TMEM117: variants seen among roughly 807,000 people sequenced by gnomAD.
TMEM117 encodes the protein transmembrane protein 117.
Under a neutral mutation model 52.4 loss-of-function variants are expected in TMEM117, and 27 were observed. The observed-to-expected ratio is 0.51, with a 90% CI of 0.38 to 0.71. TMEM117 has a LOEUF of 0.71. Among genes scored for constraint, TMEM117 ranks in the 30% least tolerant of loss-of-function variants. TMEM117 has a pLI of 0.00. For synonymous variants in TMEM117, 215 were observed against 206.3 expected, an observed-to-expected ratio of 1.04 and a Z score of -0.36; for missense variants, 556 against 630.5, an observed-to-expected ratio of 0.88 and a Z score of 1.26.
At chr12:44,292,513 G>A (rs1474840014) in intron 5 of TMEM117, among the ~76,000 whole-genome samples, 1 of 151,752 alleles carries the variant, frequency 6.6e-6, no homozygotes, top group Non-Finnish European at 1.5e-5. Flanking sequence ...AGTTTAGTTT[G>A]TTCTTCTTTT....
chr12:44,154,351 A>C (rs1376097353), intron 4 of TMEM117, among the ~76,000 whole-genome samples: 1 of 152,116 alleles, frequency 6.6e-6, no homozygotes, highest in Non-Finnish European at 1.5e-5. Flanking sequence ...CCGTGTTAAG[A>C]ATTCCAAATT....
chr12:44,176,171 A>T (rs1949113692), intron 4 of TMEM117, among the ~76,000 whole-genome samples: 1 of 152,220 alleles, frequency 6.6e-6, no homozygotes, highest in Non-Finnish European at 1.5e-5. Context: ...AACACCATCT[A>T]CATATGAAAG....
intron 1 of TMEM117, among the ~76,000 whole-genome samples, chr12:43,842,258 G>A (rs1013908485): frequency 3.3e-5 from 5 of 152,078 alleles, no homozygotes; most frequent in African/African-American, 9.7e-5. Context: ...GCTATAGCAG[G>A]TGATGAGCCT....
chr12:44,239,511 C>T (rs1413339610), intron 5 of TMEM117, among the ~76,000 whole-genome samples: 3 of 152,126 alleles, frequency 2.0e-5, no homozygotes, highest in African/African-American at 7.2e-5. Context: ...ATGCCTTTCT[C>T]TTCTTAAACC....
intron 3 of TMEM117, among the ~76,000 whole-genome samples, chr12:44,013,704 A>G (rs1041430762): frequency 1.3e-5 from 2 of 152,138 alleles, no homozygotes; most frequent in African/African-American, 4.8e-5. Context: ...CCGAGCCTCC[A>G]TCAGTTTATC....
rs1592352092 is a variant in TMEM117, at chr12:43,907,592, C to T, written c.278-36618C>T. 2.0e-5 allele frequency among the ~76,000 whole-genome samples: 3 copies of T among 147,146 alleles called. No homozygotes were observed. The South Asian group carries it at 6.6e-4, about 33-fold the overall frequency. On this transcript the variant is annotated intron_variant, in intron 2 of 7. Transcript: ENST00000266534. ...AAACCAAAGGCAAAGAAGTTGAAAA[C>T]TTTGAAAAAAATTTAGAAGAATGTA...
chr12:44,246,816 C>T (rs887233434), intron 5 of TMEM117, among the ~76,000 whole-genome samples: 3 of 152,114 alleles, frequency 2.0e-5, no homozygotes, highest in African/African-American at 7.2e-5. Flanking sequence ...CTGAGAAGTT[C>T]GAACACATCA....
chr12:44,069,535 A>G (rs1461445144), intron 3 of TMEM117, among the ~76,000 whole-genome samples: 2 of 152,198 alleles, frequency 1.3e-5, no homozygotes, highest in African/African-American at 4.8e-5. Context: ...GGAATGGACC[A>G]CGTCTGGGAA....
chr12:44,077,797 C>T (rs1021794198), intron 3 of TMEM117, among the ~76,000 whole-genome samples: 4 of 151,982 alleles, frequency 2.6e-5, no homozygotes, highest in African/African-American at 9.7e-5. Context: ...TCAAACCAAA[C>T]AGGATTCCAA....
chr12:44,020,002 A>G (rs772107186), intron 3 of TMEM117, among the ~76,000 whole-genome samples: 12 of 152,168 alleles, frequency 7.9e-5, no homozygotes, highest in African/African-American at 1.2e-4. Flanking sequence ...TCTTCCTCCT[A>G]CTACCTCTGT....
At chr12:43,972,580 T>G (rs1246750006) in intron 3 of TMEM117, among the ~76,000 whole-genome samples, 1 of 152,176 alleles carries the variant, frequency 6.6e-6, no homozygotes, top group Admixed American at 6.5e-5. Flanking sequence ...TACAGAGTGC[T>G]GATTGGTCCA....
At chr12:44,117,290 T>G (rs1948160724) in intron 3 of TMEM117, among the ~76,000 whole-genome samples, 1 of 152,214 alleles carries the variant, frequency 6.6e-6, no homozygotes, top group Admixed American at 6.5e-5. Context: ...ATCTTTTAAA[T>G]GTCAATTCTG....
At chr12:44,164,387 G>T (rs540301788) in intron 4 of TMEM117, among the ~76,000 whole-genome samples, 9 of 152,112 alleles carry the variant, frequency 5.9e-5, no homozygotes, top group African/African-American at 2.2e-4. Flanking sequence ...AGTCCCCAAA[G>T]TTCATTTTAT....
At chr12:43,963,975 A>T (rs980187082) in intron 3 of TMEM117, among the ~76,000 whole-genome samples, 3 of 152,188 alleles carry the variant, frequency 2.0e-5, no homozygotes, top group African/African-American at 7.2e-5. Flanking sequence ...ACTTAAAACT[A>T]ATATGTATCA....
chr12:44,186,917 G>A (rs924063291), intron 4 of TMEM117, among the ~76,000 whole-genome samples: 44 of 152,192 alleles, frequency 2.9e-4, no homozygotes, highest in African/African-American at 9.9e-4. Flanking sequence ...GAGTTTACAC[G>A]GTAGTGATTC....
intron 4 of TMEM117, among the ~76,000 whole-genome samples, chr12:44,172,909 G>C (rs916822373): frequency 2.6e-5 from 4 of 152,072 alleles, no homozygotes; most frequent in African/African-American, 9.7e-5. Flanking sequence ...ATTTTTAGTA[G>C]AGATGGGGTT....
intron 7 of TMEM117, among the ~76,000 whole-genome samples, chr12:44,377,095 A>G (rs1951952551): frequency 6.6e-6 from 1 of 152,154 alleles, no homozygotes; most frequent in African/African-American, 2.4e-5. Flanking sequence ...AGTCAGGGAG[A>G]GCAAGGAAAT....
In TMEM117 at chr12:44,143,595, T is replaced by G; in HGVS notation, c.481T>G (p.Trp161Gly). The change falls in exon 4 of 8, where the codon TGG becomes GGG. Residue 161 changes from tryptophan to glycine, a missense_variant. Trp to Gly is a radical substitution (Grantham distance 184, BLOSUM62 -2). This residue lies in a region of TMEM117 where 328 missense variants were observed against 371.4 expected (regional missense o/e 0.88). Coordinates refer to ENST00000266534, the MANE Select transcript of TMEM117 (RefSeq NM_032256.3). Reference protein sequence around the residue: ...SFMKLAAVGTWMGDFVTAWMV... With the variant: ...SFMKLAAVGTGMGDFVTAWMV... ...CATGAAATTAGCTGCAGTAGGGACC[T>G]GGATGGGGGACTTTGTCACAGCTTG... The G allele has an allele frequency of 1.2e-6, 2 of 1,613,916 alleles. No homozygotes were observed. Among genetic ancestry groups the G allele is most frequent in the Non-Finnish European group, 1.7e-6 (2 of 1,179,908 alleles).
At chr12:44,312,728 C>T (rs982610706) in intron 6 of TMEM117, among the ~76,000 whole-genome samples, 6 of 152,142 alleles carry the variant, frequency 3.9e-5, no homozygotes, top group East Asian at 1.9e-4. Flanking sequence ...ACATTCCTAC[C>T]GTCAGTACAT....
Sources: gnomAD v4.1 joint callset for allele counts (sites outside exome capture counted in the v4.1 genomes callset) on GRCh38, gnomAD v4.1.1 for gene constraint, gnomAD v4.1.1 regional missense constraint, MANE v1.5 for transcripts, NCBI Gene and HGNC (gene_info 2026-07-23, HGNC 2026-07-21) for gene names.